Variants in GPRC5C observed in about 807,000 individuals in gnomAD.
GPRC5C encodes G protein-coupled receptor class C group 5 member C, also known as G protein-coupled receptor family C group 5 member C.
In GPRC5C, 22 loss-of-function variants were observed where a neutral mutation model predicts 31.4. That is an observed-to-expected ratio of 0.70 (90% confidence interval 0.50 to 1.00). The LOEUF (loss-of-function observed/expected upper bound fraction) is 1.00, where lower values mean the gene tolerates loss of function less well. Ranked by LOEUF, GPRC5C falls within the 50% of genes least tolerant of loss-of-function variation. The pLI is 0.00. For synonymous variants in GPRC5C, 249 were observed against 257.5 expected (o/e 0.97, Z 0.32); for missense variants, 557 against 597.2 (o/e 0.93, Z 0.70).
intron 1 of GPRC5C, among the ~76,000 whole-genome samples, chr17:74,436,884 A>G (rs2055439381): frequency 6.6e-6 from 1 of 152,158 alleles, no homozygotes; most frequent in Non-Finnish European, 1.5e-5. Flanking sequence ...TCCATAAATT[A>G]TCTCCCAGGA....
chr17:74,440,533 G>A lies in GPRC5C; in HGVS notation c.757G>A (p.Val253Ile), dbSNP rs775061799. The A allele has an allele frequency of 2.6e-5, 42 of 1,614,022 alleles. No homozygotes were observed. Among genetic ancestry groups the A allele is most frequent in the African/African-American group, 2.1e-4 (16 of 74,930 alleles). ...TGTGCTCCTCACCACAGCCACCTCC[G>A]TTGCCATATGGGTGGTGTGGATCGT... ...VFVLLTTATSVAIWVVWIVMY... is the reference protein window; with the variant it reads ...VFVLLTTATSIAIWVVWIVMY... The change falls in exon 2 of 4, where the codon GTT (valine) becomes ATT (isoleucine). Residue 253 changes from valine to isoleucine, a missense_variant. Physicochemically the swap from Val to Ile is conservative, Grantham distance 29. Transcript: ENST00000392627. This position sits in a 1 kb window ranked among gnomAD's most constrained non-coding sequence, Gnocchi z 4.4.
intron 2 of GPRC5C, among the ~76,000 whole-genome samples, chr17:74,442,403 T>C (rs1406554326): frequency 6.6e-6 from 1 of 152,228 alleles, no homozygotes; most frequent in Non-Finnish European, 1.5e-5. Context: ...GCACCTGCTC[T>C]GTGCCAGCCC....
intron 2 of GPRC5C, among the ~76,000 whole-genome samples, chr17:74,442,604 AC>A (rs2055557907): frequency 6.6e-6 from 1 of 152,186 alleles, no homozygotes; most frequent in South Asian, 2.1e-4. Flanking sequence ...TGCCCGGTTA[AC>A]AAGCACCGGC....
downstream of GPRC5C, chr17:74,447,473 C>T: frequency 2.2e-6 from 1 of 455,516 alleles, no homozygotes; most frequent in Non-Finnish European, 2.9e-6. Context: ...CTCCTGGTTT[C>T]TGATGAACGT....
chr17:74,442,103 A>G (rs921519904), intron 2 of GPRC5C, among the ~76,000 whole-genome samples: 13 of 152,210 alleles, frequency 8.5e-5, no homozygotes, highest in African/African-American at 3.1e-4. Context: ...CCCGGGCTCA[A>G]GAGATTCTCC....
At chr17:74,432,281 G>C (rs1050948119) in intron 1 of GPRC5C, 140 bp downstream of exon 1, 33 of 1,477,090 alleles carry the variant, frequency 2.2e-5, no homozygotes, top group Non-Finnish European at 2.8e-5. Context: ...CACCCTCGCC[G>C]AAAGCAAGGA....
chr17:74,446,767 C>A, intron 3 of GPRC5C, 82 bp from the exon 4 acceptor site: 1 of 1,107,206 alleles, frequency 9.0e-7, no homozygotes, highest in Non-Finnish European at 1.3e-6. Flanking sequence ...AGTCCCAGCC[C>A]TGCAGGAAGT....
intron 1 of GPRC5C, among the ~76,000 whole-genome samples, chr17:74,438,335 A>G (rs1028657162): frequency 6.8e-5 from 10 of 147,806 alleles, no homozygotes; most frequent in Admixed American, 2.1e-4. Flanking sequence ...GTCTTGGCTC[A>G]CTGCAACTTC....
At position 74,439,767 on chromosome 17, in the gene GPRC5C, G is replaced by A. The variant is rs2055495950; in HGVS notation, c.-10G>A. The A allele has an allele frequency of 1.9e-6, 3 of 1,608,826 alleles. No homozygotes were observed. The highest frequency in any genetic ancestry group is 2.5e-6 in the Non-Finnish European group (3 of 1,176,754). On this transcript the variant is annotated 5_prime_UTR_variant, in exon 2 of 4. Coordinates refer to ENST00000392627, the MANE Select transcript of GPRC5C (RefSeq NM_022036.4). Reference sequence around the variant, plus strand: ...TAGGGACCCAACCAGAGCCTGGCCTGGGAGCCAGGATGGCCATCCACAAAG... The same window carrying A: ...TAGGGACCCAACCAGAGCCTGGCCTAGGAGCCAGGATGGCCATCCACAAAG...
At chr17:74,448,155 A>AT (rs1265176965), downstream of GPRC5C, among the ~76,000 whole-genome samples, 66 of 151,648 alleles carry the variant, frequency 4.4e-4, 1 homozygote, top group Middle Eastern at 3.4e-3. Flanking sequence ...CAAAAAAAAA[A>AT]TTTTTTTTTA....
At chr17:74,438,432 T>C (rs901316565) in intron 1 of GPRC5C, among the ~76,000 whole-genome samples, 3 of 151,816 alleles carry the variant, frequency 2.0e-5, no homozygotes, top group Non-Finnish European at 4.4e-5. Flanking sequence ...GGCTAATTTT[T>C]GTATTTTTAG....
chr17:74,437,089 G>A (rs186790277), intron 1 of GPRC5C, among the ~76,000 whole-genome samples: 72 of 152,070 alleles, frequency 4.7e-4, no homozygotes, highest in East Asian at 1.4e-3. Context: ...GATTACAGGC[G>A]CACGCCACCA....
At chr17:74,449,657 C>A, downstream of GPRC5C, 1 of 247,238 alleles carries the variant, frequency 4.0e-6, no homozygotes, top group Non-Finnish European at 8.2e-6. Context: ...TCTTGACACG[C>A]CCCCCTCCCC....
intron 1 of GPRC5C, chr17:74,433,695 TG>T: frequency 6.2e-7 from 1 of 1,611,002 alleles, no homozygotes; most frequent in Non-Finnish European, 8.5e-7. Flanking sequence ...GTGGTATCCC[TG>T]GGGGAACCTC....
At chr17:74,443,513 G>C in intron 2 of GPRC5C, 2 of 534,276 alleles carry the variant, frequency 3.7e-6, no homozygotes, top group Non-Finnish European at 7.1e-6. Flanking sequence ...TGGGGATGTG[G>C]AAGTTGCTGA....
At chr17:74,443,681 G>T in intron 2 of GPRC5C, 137 bp from the exon 3 acceptor site, 1 of 772,446 alleles carries the variant, frequency 1.3e-6, no homozygotes, top group South Asian at 1.4e-5. Context: ...GCCACTCCTG[G>T]GTTAGAGACT....
chr17:74,447,748 A>C (rs199990439), downstream of GPRC5C, among the ~76,000 whole-genome samples: 1 of 135,108 alleles, frequency 7.4e-6, no homozygotes, highest in Non-Finnish European at 1.6e-5. Flanking sequence ...GGCTGTGGGG[A>C]TAGGACTGGG....
At chr17:74,448,191 C>T (rs1290446107), downstream of GPRC5C, among the ~76,000 whole-genome samples, 1 of 152,040 alleles carries the variant, frequency 6.6e-6, no homozygotes, top group Non-Finnish European at 1.5e-5. Context: ...GTCCTAGCTA[C>T]TCAAGGGGGT....
chr17:74,443,942 C>G, intron 3 of GPRC5C, 30 bp downstream of exon 3: 1 of 1,446,398 alleles, frequency 6.9e-7, no homozygotes, highest in South Asian at 1.1e-5. Context: ...CCCCGTGACA[C>G]GTCTGGGCTA....
Sources: gnomAD v4.1 joint callset for allele counts (sites outside exome capture counted in the v4.1 genomes callset) on GRCh38, gnomAD v4.1.1 for gene constraint, Gnocchi (gnomAD v3.1) non-coding constraint, MANE v1.5 for transcripts, NCBI Gene and HGNC (gene_info 2026-07-23, HGNC 2026-07-21) for gene names.